SPAG17: variants seen among roughly 807,000 people sequenced by gnomAD.
SPAG17 encodes sperm associated antigen 17, also known as sperm-associated antigen 17.
In SPAG17, 169 loss-of-function variants were observed where a neutral mutation model predicts 273.6. The observed-to-expected ratio is 0.62, with a 90% CI of 0.55 to 0.70. The LOEUF (loss-of-function observed/expected upper bound fraction) is 0.70, where lower values mean the gene tolerates loss of function less well. SPAG17 is among the 30% of genes least tolerant of loss of function. SPAG17 has a pLI of 0.00. For synonymous variants in SPAG17, 825 were observed against 873.2 expected, an observed-to-expected ratio of 0.94 and a Z score of 0.97; for missense variants, 2,557 against 2,627.8, an observed-to-expected ratio of 0.97 and a Z score of 0.59.
intron 18 of SPAG17, among the ~76,000 whole-genome samples, chr1:118,057,943 A>G (rs2102012236): frequency 6.6e-6 from 1 of 152,056 alleles, no homozygotes; most frequent in Non-Finnish European, 1.5e-5. Flanking sequence ...CTCTAGCAGA[A>G]TATGAATAGA....
intron 3 of SPAG17, 109 bp from the exon 4 acceptor site, chr1:118,115,550 A>G (rs1657025130): frequency 8.6e-7 from 1 of 1,162,278 alleles, no homozygotes; most frequent in Non-Finnish European, 1.2e-6. Flanking sequence ...CATACTGGAA[A>G]GATACTTCAT....
At chr1:118,019,464 TA>T (rs947436630) in intron 28 of SPAG17, among the ~76,000 whole-genome samples, 78 of 147,272 alleles carry the variant, frequency 5.3e-4, no homozygotes, top group South Asian at 2.3e-3. Context: ...AGCATAGAAG[TA>T]AAAAAAAAAT....
At chr1:117,974,067 T>C (rs1654871088) in intron 43 of SPAG17, among the ~76,000 whole-genome samples, 1 of 152,212 alleles carries the variant, frequency 6.6e-6, no homozygotes, top group Non-Finnish European at 1.5e-5. Flanking sequence ...CAATCCATCA[T>C]TGATGGGCAC....
intron 15 of SPAG17, among the ~76,000 whole-genome samples, chr1:118,076,770 A>G (rs972174851): frequency 2.6e-4 from 39 of 152,208 alleles, no homozygotes; most frequent in African/African-American, 8.9e-4. Flanking sequence ...TTTCAACCAC[A>G]TAATCCTTTG....
chr1:117,994,255 A>T (rs1343052288), intron 35 of SPAG17, 151 bp downstream of exon 35: 1 of 738,112 alleles, frequency 1.4e-6, no homozygotes, highest in African/African-American at 1.8e-5. Context: ...CAAATGTTAG[A>T]ATCTTCAAAT....
chr1:118,064,655 GCAGCACAC>G (rs1195079412), intron 18 of SPAG17, among the ~76,000 whole-genome samples: 4 of 149,946 alleles, frequency 2.7e-5, no homozygotes, highest in Admixed American at 2.7e-4. Context: ...GTTAATGGGT[GCAGCACAC>G]CAACATGGCA....
At chr1:118,074,700 T>C (rs1653930908) in intron 15 of SPAG17, 100 bp from the exon 16 acceptor site, 2 of 1,112,256 alleles carry the variant, frequency 1.8e-6, no homozygotes, top group South Asian at 2.6e-5. Flanking sequence ...TCTATGTTTC[T>C]GTGCTGAAAA....
In SPAG17 at chr1:118,023,326, AGATG is replaced by A; in HGVS notation, c.4043_4046del (p.Pro1348LeufsTer35). On this transcript the variant is annotated frameshift_variant, in exon 28 of 49. Transcript: ENST00000336338. LOFTEE classifies it high-confidence loss of function. ...TACCTTTCTTTGTGTTGGTAATCTC[AGATG>A]GTATCGTTTCTGATTTCTGCTGAGA... 6.2e-7 allele frequency: 1 copy of A among 1,611,700 alleles called. No homozygotes were observed. Among genetic ancestry groups the A allele is most frequent in the Non-Finnish European group, 8.5e-7 (1 of 1,178,608 alleles).
chr1:118,081,920 G>T (rs931455833), intron 13 of SPAG17, among the ~76,000 whole-genome samples: 5 of 152,194 alleles, frequency 3.3e-5, no homozygotes, highest in African/African-American at 9.6e-5. Context: ...AGATTCATTT[G>T]CATGGACTTT....
In SPAG17 at chr1:117,996,500, C is replaced by A; in HGVS notation, c.4923G>T (p.Arg1641Ser). The change falls in exon 34 of 49, where the codon AGG becomes AGT. Residue 1641 changes from arginine (R) to serine (S), a missense_variant and splice_region_variant. Coordinates refer to ENST00000336338, the MANE Select transcript of SPAG17 (RefSeq NM_206996.4). Reference sequence around the variant, plus strand: ...ATCCATCAGCATACATAACAAAAAACCTATTTGAAGAAATAAAAATATAAT... The same window carrying A: ...ATCCATCAGCATACATAACAAAAAAACTATTTGAAGAAATAAAAATATAAT... ...HQQIYGEHVP[R>S]FFVMYADGSG... is the part of the protein sequence containing the mutation. The A allele has an allele frequency of 1.2e-6, 2 of 1,609,726 alleles. No individual in the cohort carries two copies. Among genetic ancestry groups the A allele is most frequent in the Admixed American group, 1.7e-5 (1 of 58,844 alleles).
At chr1:118,185,039 G>T (rs1443216693) in intron 1 of SPAG17, 32 bp downstream of exon 1, 2 of 1,595,426 alleles carry the variant, frequency 1.3e-6, no homozygotes, top group East Asian at 2.2e-5. Context: ...CATTGCCGGG[G>T]GCAGGGAGGG....
chr1:117,996,252 A>G (rs1359326588), intron 34 of SPAG17, 118 bp downstream of exon 34: 6 of 1,209,866 alleles, frequency 5.0e-6, no homozygotes, highest in Non-Finnish European at 6.8e-6. Context: ...TTTCCAAAGT[A>G]GAGCAGAAAA....
rs1648490808 is a variant in SPAG17, at chr1:118,031,683, T to C, written c.3609+9A>G. 6.2e-7 allele frequency: 1 copy of C among 1,611,572 alleles called. No homozygotes were observed. The highest frequency in any genetic ancestry group is 8.5e-7 in the Non-Finnish European group (1 of 1,179,234). ...CAGAGTTTGGGAATCTATGGCAAGG[T>C]TCATTTACCTTTTTCTCTTCTTCTT... On this transcript the variant is annotated intron_variant, in intron 25 of 48. Coordinates refer to ENST00000336338, the MANE Select transcript of SPAG17 (RefSeq NM_206996.4).
At chr1:117,987,719 C>T (rs1216693805) in intron 40 of SPAG17, 115 bp downstream of exon 40, 1 of 1,005,564 alleles carries the variant, frequency 9.9e-7, no homozygotes, top group Non-Finnish European at 1.5e-6. Flanking sequence ...AGACATGTTG[C>T]AGAAGAGAAT....
chr1:118,099,099 C>G (rs554161452), intron 6 of SPAG17, among the ~76,000 whole-genome samples: 28 of 152,160 alleles, frequency 1.8e-4, no homozygotes, highest in Non-Finnish European at 2.8e-4. Context: ...CTCAAAATGG[C>G]TAAATGGTAG....
chr1:117,966,527 A>G (rs1311738728), intron 47 of SPAG17, 82 bp downstream of exon 47: 2 of 1,219,066 alleles, frequency 1.6e-6, no homozygotes, highest in Non-Finnish European at 2.2e-6. Context: ...TAAAGTAGAG[A>G]TGCATTTTGA....
At chr1:118,125,065 A>C (rs1657635469) in intron 3 of SPAG17, among the ~76,000 whole-genome samples, 1 of 152,028 alleles carries the variant, frequency 6.6e-6, no homozygotes, top group Non-Finnish European at 1.5e-5. Context: ...TTTTGCTCCT[A>C]CCTGATGCCT....
rs5777330 is a variant in SPAG17, at chr1:117,967,296, CAAA to C, written c.6388-546_6388-544del. Reference sequence around the variant, plus strand: ...CTGGTGACAGGGCAAAACTCCATCTCAAAAAAAAAAAAAAAAAAAAAAATTCAT... The same window carrying C: ...CTGGTGACAGGGCAAAACTCCATCTCAAAAAAAAAAAAAAAAAAAATTCAT... On this transcript the variant is annotated intron_variant, in intron 46 of 48. Coordinates refer to ENST00000336338, the MANE Select transcript of SPAG17 (RefSeq NM_206996.4). Among the ~76,000 whole-genome samples, 501 of 86,050 alleles carry C rather than the reference CAAA, an allele frequency of 5.8e-3. 2 individuals are homozygous for C. Among genetic ancestry groups the C allele is most frequent in the East Asian group, 0.045 (124 of 2,786 alleles). 56.5% of individuals were successfully genotyped at this position (86,050 alleles called of 152,430 possible). A position where few individuals can be genotyped will look rare whatever the true frequency, so the allele number is the denominator to read the frequency against.
chr1:118,099,599 T>C lies in SPAG17; in HGVS notation c.829+7A>G. ...GGACTCAGTAAGTTGTGTAGCAGAC[T>C]GCATACCTTCTGACTGAAGAAGAAC... On this transcript the variant is annotated splice_region_variant and intron_variant, in intron 6 of 48. Transcript: ENST00000336338. The C allele has an allele frequency of 6.2e-7, 1 of 1,613,554 alleles. No individual in the cohort carries two copies. The highest frequency in any genetic ancestry group is 8.5e-7 in the Non-Finnish European group (1 of 1,179,504).
Sources: allele counts gnomAD v4.1 joint callset (sites outside exome capture counted in the v4.1 genomes callset), GRCh38; gene constraint gnomAD v4.1.1; transcripts MANE v1.5; gene names NCBI Gene and HGNC (gene_info 2026-07-23, HGNC 2026-07-21).